The following UBAP1 variants were observed in gnomAD, a reference collection of about 807,000 sequenced individuals.
UBAP1 encodes ubiquitin-associated protein 1.
UBAP1 carries 5 observed loss-of-function variants against 39.0 expected under a neutral mutation model. That is an observed-to-expected ratio of 0.13 (90% CI 0.07 to 0.27). UBAP1 has a LOEUF of 0.27. Among genes scored for constraint, UBAP1 ranks in the 10% least tolerant of loss-of-function variants. The pLI, the probability that UBAP1 is intolerant of heterozygous loss-of-function variation, is 1.00. For missense variants in UBAP1, 490 were observed against 608.1 expected (o/e 0.81, Z 2.04); for synonymous variants, 211 against 225.1 (o/e 0.94, Z 0.56).
At chr9:34,240,857 A>G (rs1469822858) in intron 3 of UBAP1, among the ~76,000 whole-genome samples, 9 of 133,526 alleles carry the variant, frequency 6.7e-5, no homozygotes, top group Non-Finnish European at 1.3e-4. Context: ...AGAATCATGC[A>G]TGGCACCTTA....
intron 1 of UBAP1, among the ~76,000 whole-genome samples, chr9:34,195,743 A>G (rs1311090916): frequency 1.0e-5 from 1 of 97,566 alleles, no homozygotes; most frequent in East Asian, 2.2e-4. Flanking sequence ...GATTACAGAC[A>G]TGTGCCACTA....
intron 1 of UBAP1, among the ~76,000 whole-genome samples, chr9:34,180,964 C>G (rs1829983894): frequency 6.6e-6 from 1 of 151,762 alleles, no homozygotes; most frequent in African/African-American, 2.4e-5. Context: ...ACACCCACCA[C>G]TACGGCTGGC....
intron 1 of UBAP1, among the ~76,000 whole-genome samples, chr9:34,200,075 G>T (rs1046397113): frequency 2.0e-5 from 3 of 151,874 alleles, no homozygotes; most frequent in African/African-American, 4.8e-5. Context: ...CCCGCTCCCA[G>T]TAATTTGACA....
chr9:34,181,945 T>C (rs1416947677), intron 1 of UBAP1, among the ~76,000 whole-genome samples: 6 of 149,672 alleles, frequency 4.0e-5, no homozygotes, highest in African/African-American at 1.5e-4. Flanking sequence ...TCATCAATGA[T>C]TGTTAGTGCA....
intron 5 of UBAP1, 126 bp downstream of exon 5, chr9:34,250,087 G>A: frequency 9.6e-7 from 1 of 1,037,514 alleles, no homozygotes; most frequent in South Asian, 1.6e-5. Context: ...TGAGGACACG[G>A]GGCATGTTTT....
chr9:34,223,923 G>GT (rs34660783), intron 2 of UBAP1: 37,082 of 281,470 alleles, frequency 0.13, 3,105 homozygotes, highest in Non-Finnish European at 0.17. Context: ...TGTTTTTTGG[G>GT]TTTTTTTTGG....
chr9:34,236,935 G>C (rs1215099057), intron 3 of UBAP1, among the ~76,000 whole-genome samples: 1 of 151,912 alleles, frequency 6.6e-6, no homozygotes. Context: ...CACGTTACTA[G>C]TAGTCTGTTA....
chr9:34,224,760 A>G (rs894640971), intron 2 of UBAP1: 3 of 213,594 alleles, frequency 1.4e-5, no homozygotes, highest in African/African-American at 6.9e-5. Flanking sequence ...TTGTGCAGGC[A>G]TGTGAGTACA....
Position 34,220,939 on chromosome 9 carries a change from G to T in UBAP1, c.25G>T (p.Asp9Tyr). The T allele has an allele frequency of 6.2e-7, 1 of 1,613,306 alleles. No homozygotes were observed. ...AATGGCTTCTAAGAAGTTGGGTGCA[G>T]ATTTTCATGGTAAGTGGACTATTAG... is the stretch of plus-strand genomic sequence containing the variant. MASKKLGA[D>Y]FHGTFSYLDD... Residue 9 changes from aspartate (D) to tyrosine (Y), a missense_variant, in exon 2 of 7, where the codon GAT (aspartate) becomes TAT (tyrosine). Physicochemically the swap from Asp to Tyr is radical, Grantham distance 160. This residue lies in a region of UBAP1 where 144 missense variants were observed against 184.4 expected (regional missense o/e 0.78). Coordinates refer to ENST00000297661, the MANE Select transcript of UBAP1 (RefSeq NM_016525.5).
chr9:34,229,535 C>T (rs1662159286), intron 2 of UBAP1, among the ~76,000 whole-genome samples: 1 of 151,186 alleles, frequency 6.6e-6, no homozygotes, highest in South Asian at 2.1e-4. Flanking sequence ...GGATTACAGG[C>T]ATGAGCCACT....
intron 1 of UBAP1, among the ~76,000 whole-genome samples, chr9:34,195,313 T>G (rs999726862): frequency 6.6e-6 from 1 of 152,136 alleles, no homozygotes; most frequent in Admixed American, 6.5e-5. Flanking sequence ...GTTTGACTTT[T>G]TTGTCTATGA....
intron 6 of UBAP1, 26 bp from the exon 7 acceptor site, chr9:34,251,366 A>C (rs746371401): frequency 6.2e-7 from 1 of 1,612,682 alleles, no homozygotes; most frequent in South Asian, 1.1e-5. Context: ...CCTTTTCTTT[A>C]ATCTGTGTTC....
In UBAP1 at chr9:34,224,074, C is replaced by T. The variant is rs367920241; in HGVS notation, c.34+3126C>T. 1.2e-3 allele frequency: 746 copies of T among 625,680 alleles called. 16 individuals are homozygous for T. The South Asian group carries it at 0.016, about 14-fold the overall frequency. 38.8% of individuals were successfully genotyped at this position (625,680 alleles called of 1,614,324 possible). On this transcript the variant is annotated intron_variant, in intron 2 of 6. Coordinates refer to ENST00000297661, the MANE Select transcript of UBAP1 (RefSeq NM_016525.5). ...AGCCGTCTGTTTGGCCACACTGTCC[C>T]GGCCTTGAAGTGATGCACGCAAGAA...
chr9:34,191,835 C>T (rs1830739161), intron 1 of UBAP1: 1 of 152,148 alleles, frequency 6.6e-6, no homozygotes, highest in African/African-American at 2.4e-5. Context: ...CTGCTGAGGC[C>T]GTTTGGACAC....
At chr9:34,233,478 A>C (rs988847613) in intron 2 of UBAP1, among the ~76,000 whole-genome samples, 1 of 152,040 alleles carries the variant, frequency 6.6e-6, no homozygotes, top group African/African-American at 2.4e-5. Flanking sequence ...TTTTTTCTAA[A>C]GTAGAGAATC....
chr9:34,194,004 TA>T (rs1296924761), intron 1 of UBAP1, among the ~76,000 whole-genome samples: 4 of 152,150 alleles, frequency 2.6e-5, no homozygotes, highest in Non-Finnish European at 4.4e-5. Flanking sequence ...CCCTGAGACC[TA>T]ACACACCCAA....
chr9:34,242,626 G>A (rs1024910110), intron 4 of UBAP1, among the ~76,000 whole-genome samples: 1 of 152,064 alleles, frequency 6.6e-6, no homozygotes, highest in Admixed American at 6.6e-5. Context: ...CACCTCTCAC[G>A]CAATTCTCCT....
chr9:34,221,748 T>C lies in UBAP1; in HGVS notation c.34+800T>C, dbSNP rs1230979993. Among the ~76,000 whole-genome samples the C allele has an allele frequency of 2.0e-5, 3 of 152,144 alleles. No homozygotes were observed. In the East Asian group the frequency reaches 5.8e-4, roughly 29 times the overall value. On this transcript the variant is annotated intron_variant, in intron 2 of 6. Coordinates refer to ENST00000297661, the MANE Select transcript of UBAP1 (RefSeq NM_016525.5). ...GATATTTATAATTTTGAATTTGAAA[T>C]TAAGAGTTTCTCTGTCATCTTTTCC...
At chr9:34,200,093 G>A (rs1430653845) in intron 1 of UBAP1, among the ~76,000 whole-genome samples, 1 of 151,990 alleles carries the variant, frequency 6.6e-6, no homozygotes, top group Non-Finnish European at 1.5e-5. Context: ...ACAGCTTTGG[G>A]GAAAACTGGT....
Sources: gnomAD v4.1 joint callset for allele counts (sites outside exome capture counted in the v4.1 genomes callset) on GRCh38, gnomAD v4.1.1 for gene constraint, gnomAD v4.1.1 regional missense constraint, MANE v1.5 for transcripts, NCBI Gene and HGNC (gene_info 2026-07-23, HGNC 2026-07-21) for gene names.